Variants in CSMD1 observed in about 807,000 individuals in gnomAD.
CSMD1 encodes the protein CUB and sushi domain-containing protein 1.
CSMD1 carries 213 observed loss-of-function variants against 417.5 expected under a neutral mutation model. The observed-to-expected ratio is 0.51, with a 90% CI of 0.46 to 0.57. CSMD1 has a LOEUF of 0.57. Among genes scored for constraint, CSMD1 ranks in the 20% least tolerant of loss-of-function variants. CSMD1 has a pLI of 0.00. For synonymous variants in CSMD1, 2,862 were observed against 1,736.8 expected (o/e 1.65, Z -16.11); for missense variants, 6,923 against 4,529.7 (o/e 1.53, Z -15.17).
At chr8:3,826,796 TA>T (rs1275228520) in intron 5 of CSMD1, among the ~76,000 whole-genome samples, 1 of 151,966 alleles carries the variant, frequency 6.6e-6, no homozygotes, top group African/African-American at 2.4e-5. Flanking sequence ...TTAATTTTAA[TA>T]TTTTTTTGAG....
At chr8:4,819,137 G>A (rs1170667776) in intron 1 of CSMD1, among the ~76,000 whole-genome samples, 1 of 152,172 alleles carries the variant, frequency 6.6e-6, no homozygotes, top group Non-Finnish European at 1.5e-5. Context: ...GGCAGCTCAT[G>A]CGTCCTTCTG....
chr8:3,342,322 T>A (rs1046293037), intron 23 of CSMD1, among the ~76,000 whole-genome samples: 7 of 152,162 alleles, frequency 4.6e-5, no homozygotes, highest in African/African-American at 7.2e-5. Flanking sequence ...TGCAGGACCT[T>A]TTTTGCCTAT....
intron 1 of CSMD1, among the ~76,000 whole-genome samples, chr8:4,779,564 C>G (rs775110123): frequency 6.6e-6 from 1 of 152,128 alleles, no homozygotes; most frequent in Admixed American, 6.5e-5. Context: ...AAGAACAAAA[C>G]GGATATCATG....
intron 1 of CSMD1, among the ~76,000 whole-genome samples, chr8:4,772,661 G>A (rs979928352): frequency 6.6e-6 from 1 of 152,142 alleles, no homozygotes; most frequent in African/African-American, 2.4e-5. Flanking sequence ...TGAAGGTACA[G>A]AAAAGAAGCC....
intron 11 of CSMD1, among the ~76,000 whole-genome samples, chr8:3,481,297 A>G (rs1817737600): frequency 6.6e-6 from 1 of 152,118 alleles, no homozygotes. Context: ...AAAAAACAAG[A>G]GGAATCTATA....
chr8:4,820,560 A>T (rs1026195265), intron 1 of CSMD1, among the ~76,000 whole-genome samples: 1 of 152,180 alleles, frequency 6.6e-6, no homozygotes, highest in African/African-American at 2.4e-5. Flanking sequence ...CAAGTGAAGA[A>T]AAAAAGTGAG....
intron 2 of CSMD1, among the ~76,000 whole-genome samples, chr8:4,440,884 C>G (rs1180281591): frequency 6.6e-6 from 1 of 151,340 alleles, no homozygotes; most frequent in Non-Finnish European, 1.5e-5. Flanking sequence ...ATAGTCCCAG[C>G]TACTTGGGAG....
chr8:3,250,764 G>A (rs1800199399), intron 26 of CSMD1, among the ~76,000 whole-genome samples: 1 of 152,164 alleles, frequency 6.6e-6, no homozygotes, highest in Non-Finnish European at 1.5e-5. Flanking sequence ...TCTAACTGGT[G>A]TGAGACGATA....
At chr8:3,524,160 CAG>C (rs201855024) in intron 10 of CSMD1, among the ~76,000 whole-genome samples, 6 of 151,634 alleles carry the variant, frequency 4.0e-5, no homozygotes, top group Admixed American at 3.3e-4. Flanking sequence ...CATGCACAGC[CAG>C]AGACGTGCAC....
chr8:3,387,426 A>T (rs574301366), intron 18 of CSMD1, 68 bp downstream of exon 18: 1 of 1,343,994 alleles, frequency 7.4e-7, no homozygotes, highest in African/African-American at 1.4e-5. Context: ...CACACCACCC[A>T]GCTAGTTAGA....
At chr8:3,824,373 C>A (rs1253601275) in intron 5 of CSMD1, among the ~76,000 whole-genome samples, 2 of 152,136 alleles carry the variant, frequency 1.3e-5, no homozygotes, top group East Asian at 3.8e-4. Flanking sequence ...ACGGCGATTT[C>A]CCTCCCAAAG....
chr8:4,459,755 C>G (rs1237263746), intron 2 of CSMD1, among the ~76,000 whole-genome samples: 1 of 152,132 alleles, frequency 6.6e-6, no homozygotes, highest in African/African-American at 2.4e-5. Context: ...GTGATTCAGC[C>G]TCTAGCCTCC....
At chr8:4,385,716 T>C (rs1162826012) in intron 3 of CSMD1, among the ~76,000 whole-genome samples, 1 of 152,106 alleles carries the variant, frequency 6.6e-6, no homozygotes, top group African/African-American at 2.4e-5. Context: ...ATAGAGAAAA[T>C]TCAACCCATA....
At chr8:4,286,777 C>A (rs1303227858) in intron 3 of CSMD1, among the ~76,000 whole-genome samples, 1 of 152,168 alleles carries the variant, frequency 6.6e-6, no homozygotes. Flanking sequence ...TTCCCATCGC[C>A]TGTTTGGCTG....
intron 3 of CSMD1, among the ~76,000 whole-genome samples, chr8:4,091,516 A>C (rs138533935): frequency 6.6e-6 from 1 of 152,324 alleles, no homozygotes; most frequent in African/African-American, 2.4e-5. Context: ...GCTGGAAGAT[A>C]ATTATGTTAA....
At chr8:4,932,552 G>C (rs940757407) in intron 1 of CSMD1, among the ~76,000 whole-genome samples, 3 of 152,108 alleles carry the variant, frequency 2.0e-5, no homozygotes, top group East Asian at 1.9e-4. Context: ...AATAAAGCTT[G>C]TGACGTGTGC....
chr8:4,243,315 A>C (rs965271254), intron 3 of CSMD1, among the ~76,000 whole-genome samples: 1 of 152,120 alleles, frequency 6.6e-6, no homozygotes, highest in African/African-American at 2.4e-5. Flanking sequence ...TCTTGGCTAA[A>C]TCTGAAATTG....
intron 7 of CSMD1, among the ~76,000 whole-genome samples, chr8:3,674,621 C>A (rs1376223048): frequency 6.6e-6 from 1 of 152,002 alleles, no homozygotes; most frequent in African/African-American, 2.4e-5. Context: ...ATATTAATAT[C>A]CTTATTTTAC....
intron 33 of CSMD1, among the ~76,000 whole-genome samples, chr8:3,196,968 G>C (rs1369263162): frequency 6.6e-6 from 1 of 152,126 alleles, no homozygotes; most frequent in African/African-American, 2.4e-5. Context: ...CCTTCTCTGG[G>C]GCACCCCATG....
Sources: allele counts gnomAD v4.1 joint callset (sites outside exome capture counted in the v4.1 genomes callset), GRCh38; gene constraint gnomAD v4.1.1; transcripts MANE v1.5; gene names NCBI Gene and HGNC (gene_info 2026-07-23, HGNC 2026-07-21).